Variants in DUOX2 observed in about 807,000 individuals in gnomAD.
The protein encoded by DUOX2 is NADH/NADPH thyroid oxidase p138-tox.
DUOX2 carries 185 observed loss-of-function variants against 183.3 expected under a neutral mutation model. The observed-to-expected ratio is 1.01, with a 90% CI of 0.90 to 1.14. DUOX2 has a LOEUF of 1.14. DUOX2 is among the 50% of genes most tolerant of loss of function. The pLI, the probability that DUOX2 is intolerant of heterozygous loss-of-function variation, is 0.00. For synonymous variants in DUOX2, 788 were observed against 812.4 expected (o/e 0.97, Z 0.51); for missense variants, 1,999 against 2,022.9 (o/e 0.99, Z 0.23).
At chr15:45,110,383 C>A in intron 9 of DUOX2, 45 bp downstream of exon 9, 1 of 1,568,646 alleles carries the variant, frequency 6.4e-7, no homozygotes. Context: ...GCTCATTCTG[C>A]ACCTTTCTTA....
At chr15:45,101,528 C>T (rs369856986) in intron 21 of DUOX2, 6 of 626,396 alleles carry the variant, frequency 9.6e-6, no homozygotes, top group Admixed American at 5.4e-5. Context: ...ATGCCTCTTC[C>T]TCTGGCCAGA....
rs1215792888 is a variant in DUOX2, at chr15:45,093,962, A to T, written c.*188T>A. The T allele has an allele frequency of 1.4e-6, 1 of 723,306 alleles. No homozygotes were observed. The highest frequency in any genetic ancestry group is 2.3e-6 in the Non-Finnish European group (1 of 431,754). 44.8% of individuals were successfully genotyped at this position (723,306 alleles called of 1,614,324 possible). A position where few individuals can be genotyped will look rare whatever the true frequency, so the allele number is the denominator to read the frequency against. ...ATCATGCACTGCAATTGTAGAACAT[A>T]GTCTCCTGCCTTTTCTCATTTGTAT... On this transcript the variant is annotated 3_prime_UTR_variant, in exon 34 of 34. Transcript: ENST00000389039.
Position 45,109,569 on chromosome 15 carries a change from G to T in DUOX2, c.1189C>A (p.Gln397Lys), listed in dbSNP as rs200989933. The T allele has an allele frequency of 9.4e-5, 152 of 1,613,920 alleles. No homozygotes were observed. Among genetic ancestry groups the T allele is most frequent in the Non-Finnish European group, 1.9e-5 (23 of 1,180,026 alleles). The change falls in exon 11 of 34, where the codon CAG becomes AAG. Residue 397 changes from glutamine to lysine, a missense_variant. By Grantham distance (53) the Gln-to-Lys change is moderately conservative. This residue lies in a region of DUOX2 where 1,628 missense variants were observed against 1,608.6 expected (regional missense o/e 1.01). Coordinates refer to ENST00000389039, the MANE Select transcript of DUOX2 (RefSeq NM_001363711.2). The stretch of plus-strand genomic sequence containing the variant: ...ATGTTGTCCTCCAACTCCGAAATCT[G>T]GGAGGCCATTCCCAGCAGCAGCTCA... ...VNELLLGMAS[Q>K]ISELEDNIVV...
Position 45,111,547 on chromosome 15 carries a change from G to A in DUOX2, c.552C>T (p.Ile184=). ...CGCTCCAGGAGTGCGAGGAGCCATA[G>A]ATGGCGCTGCCGTCCAGCCAGCCCG... ...QVTGWLDGSA[I]YGSSHSWSDA... The change falls in exon 6 of 34, where the codon ATC becomes ATT. Residue 184 remains isoleucine (I), a synonymous_variant. Coordinates refer to ENST00000389039, the MANE Select transcript of DUOX2 (RefSeq NM_001363711.2). 6.4e-7 allele frequency: 1 copy of A among 1,553,866 alleles called. No homozygotes were observed. The highest frequency in any genetic ancestry group is 8.7e-7 in the Non-Finnish European group (1 of 1,153,322).
intron 11 of DUOX2, 37 bp downstream of exon 11, chr15:45,109,487 G>A (rs1428841772): frequency 1.3e-6 from 2 of 1,597,082 alleles, no homozygotes; most frequent in Admixed American, 1.7e-5. Context: ...AGGCTTCCTG[G>A]TCCCTTACCA....
intron 2 of DUOX2, 116 bp from the exon 3 acceptor site, chr15:45,113,192 T>C: frequency 1.4e-6 from 2 of 1,442,990 alleles, no homozygotes; most frequent in Middle Eastern, 1.8e-4. Flanking sequence ...CGGACCCAAG[T>C]GTCGGGCCGC....
rs1223282648 is a variant in DUOX2, at chr15:45,093,761, C to T, written c.*389G>A. On this transcript the variant is annotated 3_prime_UTR_variant, in exon 34 of 34. Transcript: ENST00000389039. Reference sequence around the variant, plus strand: ...TACCTTTTCACCTCCACACTTGTCACAAGCAGGGACTGTCTCCTCCCCACT... The same window carrying T: ...TACCTTTTCACCTCCACACTTGTCATAAGCAGGGACTGTCTCCTCCCCACT... 3.7e-6 allele frequency: 1 copy of T among 268,038 alleles called. No homozygotes were observed. The highest frequency in any genetic ancestry group is 4.6e-5 in the South Asian group (1 of 21,868). 16.6% of individuals were successfully genotyped at this position (268,038 alleles called of 1,614,324 possible). A position where few individuals can be genotyped will look rare whatever the true frequency, so the allele number is the denominator to read the frequency against.
chr15:45,106,803 G>A, intron 15 of DUOX2, 29 bp downstream of exon 15: 1 of 1,598,380 alleles, frequency 6.3e-7, no homozygotes, highest in Non-Finnish European at 8.5e-7. Context: ...GGCAGGGCCA[G>A]TCTGCAGAGA....
intron 27 of DUOX2, 71 bp downstream of exon 27, chr15:45,097,938 G>T: frequency 1.3e-6 from 2 of 1,552,008 alleles, no homozygotes; most frequent in South Asian, 1.1e-5. Flanking sequence ...ATAGACAAGT[G>T]AGTATTCACA....
At position 45,106,342 on chromosome 15, in the gene DUOX2, A is replaced by G; in HGVS notation, c.1946-15T>C. 1 of 1,613,608 alleles carries G rather than the reference A, an allele frequency of 6.2e-7. No homozygotes were observed. Among genetic ancestry groups the G allele is most frequent in the South Asian group, 1.1e-5 (1 of 91,074 alleles). ...CCACTCCATCGCTGGGGAAGGGATA[A>G]TTGGGCCGGGTAGTTCAGCAGATGT... On this transcript the variant is annotated splice_polypyrimidine_tract_variant and intron_variant, in intron 16 of 33. Transcript: ENST00000389039.
In DUOX2 at chr15:45,102,004, G is replaced by A. The variant is rs1485723055; in HGVS notation, c.2655-15C>T. 11 of 1,613,890 alleles carry A rather than the reference G, an allele frequency of 6.8e-6. No homozygotes were observed. Among genetic ancestry groups the A allele is most frequent in the Non-Finnish European group, 9.3e-6 (11 of 1,179,940 alleles). On this transcript the variant is annotated splice_polypyrimidine_tract_variant and intron_variant, in intron 20 of 33. Transcript: ENST00000389039. ...CGATGAAGGATCTGGAGGAGGACCA[G>A]AGACACAGCAGCCTGTCACCCAGCA...
At chr15:45,102,103 T>A (rs1188406603) in intron 20 of DUOX2, 114 bp from the exon 21 acceptor site, 21 of 1,361,088 alleles carry the variant, frequency 1.5e-5, no homozygotes, top group Admixed American at 2.0e-5. Context: ...ACCCGGGAAA[T>A]GGCACTGAGA....
intron 29 of DUOX2, 64 bp from the exon 30 acceptor site, chr15:45,096,124 T>C (rs2141140501): frequency 7.2e-7 from 1 of 1,395,646 alleles, no homozygotes; most frequent in Non-Finnish European, 1.0e-6. Flanking sequence ...TGAGGACTGA[T>C]AGGCACCTGT....
chr15:45,110,780 A>G, intron 7 of DUOX2, 70 bp from the exon 8 acceptor site: 7 of 1,609,252 alleles, frequency 4.3e-6, no homozygotes, highest in South Asian at 2.2e-5. Flanking sequence ...TCTGAGCCCA[A>G]GGACGGCTTC....
At position 45,106,301 on chromosome 15, in the gene DUOX2, T is replaced by A; in HGVS notation, c.1972A>T (p.Arg658Trp). ...PAMEWPGPKE[R>W]SSPIIIQLLS... ...AGCTGGATGATGATGGGACTGCTCC[T>A]CTCCTTGGGGCCTGGCCACTCCATC... is the stretch of plus-strand genomic sequence containing the variant. Residue 658 changes from arginine (R) to tryptophan (W), a missense_variant, in exon 17 of 34, where the codon AGG (arginine) becomes TGG (tryptophan). Physicochemically the swap from Arg to Trp is moderately radical, Grantham distance 101. Coordinates refer to ENST00000389039, the MANE Select transcript of DUOX2 (RefSeq NM_001363711.2). 1 of 1,614,024 alleles carries A rather than the reference T, an allele frequency of 6.2e-7. No individual in the cohort carries two copies. Among genetic ancestry groups the A allele is most frequent in the South Asian group, 1.1e-5 (1 of 91,068 alleles).
intron 24 of DUOX2, 60 bp from the exon 25 acceptor site, chr15:45,099,952 G>C: frequency 6.2e-7 from 1 of 1,611,264 alleles, no homozygotes. Context: ...CGAGCCCTGG[G>C]CTCTCCCATG....
chr15:45,098,518 C>T (rs970730216), intron 26 of DUOX2, among the ~76,000 whole-genome samples: 3 of 152,166 alleles, frequency 2.0e-5, no homozygotes, highest in Non-Finnish European at 4.4e-5. Flanking sequence ...GGATAGAAGG[C>T]AGAGATGGCA....
intron 30 of DUOX2, 69 bp from the exon 31 acceptor site, chr15:45,095,664 C>A: frequency 1.2e-6 from 2 of 1,607,678 alleles, no homozygotes; most frequent in East Asian, 4.5e-5. Context: ...AACGGAGACA[C>A]AGGCAGAGGG....
Position 45,095,467 on chromosome 15 carries a change from T to C in DUOX2, c.4209A>G (p.Ser1403=), listed in dbSNP as rs1893876143. The part of the protein sequence containing the change: ...ASILKDLVFK[S]SLGSQMLCKK... ...TACACAGCATTTGGCTGCCCAAGGA[T>C]GACTTGAAGACCAGGTCTTTGAGGA... Residue 1403 remains serine, a synonymous_variant, in exon 31 of 34, where the codon TCA becomes TCG. Coordinates refer to ENST00000389039, the MANE Select transcript of DUOX2 (RefSeq NM_001363711.2). 10 of 1,614,232 alleles carry C rather than the reference T, an allele frequency of 6.2e-6. No individual in the cohort carries two copies. The highest frequency in any genetic ancestry group is 7.6e-6 in the Non-Finnish European group (9 of 1,180,032).
Sources: allele counts gnomAD v4.1 joint callset (sites outside exome capture counted in the v4.1 genomes callset), GRCh38; gene constraint gnomAD v4.1.1; regional missense constraint gnomAD v4.1.1; transcripts MANE v1.5; gene names NCBI Gene and HGNC (gene_info 2026-07-23, HGNC 2026-07-21).